SSBP4: variants seen among roughly 807,000 people sequenced by gnomAD.
SSBP4 encodes the protein single stranded DNA binding protein 4, also known as single-stranded DNA-binding protein 4.
In SSBP4, 33 loss-of-function variants were observed where a neutral mutation model predicts 64.6. That is an observed-to-expected ratio of 0.51 (90% CI 0.39 to 0.68). SSBP4 has a LOEUF of 0.68. Among genes scored for constraint, SSBP4 ranks in the 30% least tolerant of loss-of-function variants. SSBP4 has a pLI of 0.00. For missense variants in SSBP4, 583 were observed against 566.8 expected (o/e 1.03, Z -0.29); for synonymous variants, 243 against 224.0 (o/e 1.08, Z -0.76).
upstream of SSBP4, among the ~76,000 whole-genome samples, chr19:18,414,478 G>A (rs962270742): frequency 6.6e-6 from 1 of 152,164 alleles, no homozygotes; most frequent in Non-Finnish European, 1.5e-5. Context: ...GTGACAGAGT[G>A]AGACACCCAT....
chr19:18,433,092 G>T, intron 14 of SSBP4, 43 bp from the exon 15 acceptor site: 1 of 1,613,476 alleles, frequency 6.2e-7, no homozygotes, highest in South Asian at 1.1e-5. Context: ...ACCCCACTTG[G>T]GGAATGGGTG....
chr19:18,431,972 A>G, intron 8 of SSBP4, 28 bp from the exon 9 acceptor site: 1 of 1,551,606 alleles, frequency 6.4e-7, no homozygotes, highest in Non-Finnish European at 8.7e-7. Context: ...GTCCAGGTCC[A>G]AGTCCCCTTC....
chr19:18,431,261 C>A, intron 5 of SSBP4, 92 bp from the exon 6 acceptor site: 1 of 613,556 alleles, frequency 1.6e-6, no homozygotes, highest in Non-Finnish European at 2.9e-6. Flanking sequence ...CACAGGCTGG[C>A]CCACCCCTCT....
At chr19:18,404,986 C>A in the SSBP4 span, among the ~76,000 whole-genome samples, 1 of 108,370 alleles carries the variant, frequency 9.2e-6, no homozygotes, top group Admixed American at 9.0e-5. Flanking sequence ...AGCCCAGAGG[C>A]CCCCCCCCCC....
upstream of SSBP4, chr19:18,419,396 G>C (rs1972262753): frequency 9.7e-7 from 1 of 1,034,022 alleles, no homozygotes; most frequent in Admixed American, 5.6e-5. Context: ...AGGGGAGCGC[G>C]CGTTTCCCGG....
Position 18,426,995 on chromosome 19 carries a change from A to G in SSBP4, c.60-356A>G, listed in dbSNP as rs954905791. Among the ~76,000 whole-genome samples, 1 of 151,852 alleles carries G rather than the reference A, an allele frequency of 6.6e-6. No individual in the cohort carries two copies. The highest frequency in any genetic ancestry group is 6.6e-5 in the Admixed American group (1 of 15,266). On this transcript the variant is annotated intron_variant, in intron 1 of 17. Coordinates refer to ENST00000270061, the MANE Select transcript of SSBP4 (RefSeq NM_032627.5). The surrounding 1 kb of genome is among the most constrained non-coding windows in gnomAD (Gnocchi z 4.5). ...TTTGGAGGTGGGCCCTGAGCACACT[A>G]CATGGCCCAGGGTGCCCAGTGGTCG...
In SSBP4 at chr19:18,423,958, G is replaced by A. The variant is rs1338753160; in HGVS notation, c.60-3393G>A. ...TGAGCTCAGGGCCCCAACCGGTGGC[G>A]CCCCCAGACCTGGCCCCCGGAGCAG... On this transcript the variant is annotated intron_variant, in intron 1 of 17. Transcript: ENST00000270061. This position sits in a 1 kb window ranked among gnomAD's most constrained non-coding sequence, Gnocchi z 4.0. 1.3e-5 allele frequency among the ~76,000 whole-genome samples: 2 copies of A among 152,058 alleles called. No individual in the cohort carries two copies. The highest frequency in any genetic ancestry group is 2.9e-5 in the Non-Finnish European group (2 of 68,008).
the SSBP4 span, among the ~76,000 whole-genome samples, chr19:18,407,225 A>G: frequency 6.6e-6 from 1 of 151,726 alleles, no homozygotes; most frequent in South Asian, 2.1e-4. Flanking sequence ...TTTAGTAGAG[A>G]CGGGGTTTCA....
At chr19:18,433,433 T>C in intron 15 of SSBP4, 152 bp from the exon 16 acceptor site, 1 of 1,382,954 alleles carries the variant, frequency 7.2e-7, no homozygotes, top group African/African-American at 1.4e-5. Context: ...GGCCCAACCC[T>C]CCACCTGGCC....
At chr19:18,413,127 C>T in the SSBP4 span, among the ~76,000 whole-genome samples, 1 of 134,328 alleles carries the variant, frequency 7.4e-6, no homozygotes. Flanking sequence ...GGGCGAGGAG[C>T]GTGGGGTGTT....
the SSBP4 span, among the ~76,000 whole-genome samples, chr19:18,403,464 T>C: frequency 5.3e-5 from 8 of 152,278 alleles, no homozygotes; most frequent in South Asian, 2.1e-4. Context: ...CACCCCTTCA[T>C]GCAGGTCTTA....
intron 4 of SSBP4, among the ~76,000 whole-genome samples, chr19:18,429,052 G>A (rs1356919785): frequency 6.6e-6 from 1 of 152,194 alleles, no homozygotes; most frequent in Non-Finnish European, 1.5e-5. Flanking sequence ...TACCATGGCA[G>A]CGCCGGCGCA....
chr19:18,419,104 T>C (rs1243039579), upstream of SSBP4: 4 of 985,398 alleles, frequency 4.1e-6, no homozygotes, highest in Non-Finnish European at 4.8e-6. Flanking sequence ...GCTGCGAATG[T>C]GTGTGGCTGG....
chr19:18,404,158 C>T, the SSBP4 span, among the ~76,000 whole-genome samples: 1 of 151,922 alleles, frequency 6.6e-6, no homozygotes, highest in Admixed American at 6.6e-5. Context: ...GCCCAGAAAA[C>T]CTCAGAGACC....
chr19:18,420,921 CTT>C (rs893560574), intron 1 of SSBP4, among the ~76,000 whole-genome samples: 10 of 151,826 alleles, frequency 6.6e-5, no homozygotes, highest in African/African-American at 2.4e-4. Context: ...TGATGGGGGA[CTT>C]CCAGGATCCT....
intron 1 of SSBP4, chr19:18,425,804 GCACTC>G (rs1972812600): frequency 6.6e-6 from 1 of 152,330 alleles, no homozygotes; most frequent in African/African-American, 2.4e-5. Flanking sequence ...TGAGCCTGGC[GCACTC>G]CACCCTGGAC....
the SSBP4 span, among the ~76,000 whole-genome samples, chr19:18,409,953 G>A: frequency 2.6e-5 from 4 of 151,568 alleles, no homozygotes; most frequent in South Asian, 2.1e-4. Flanking sequence ...TGCCTCAGCC[G>A]CCTGAGTAGC....
chr19:18,419,609 C>A lies in SSBP4; in HGVS notation c.-40C>A. The A allele has an allele frequency of 1.6e-6, 2 of 1,252,264 alleles. No homozygotes were observed. Among genetic ancestry groups the A allele is most frequent in the South Asian group, 2.2e-5 (1 of 46,468 alleles). 77.6% of individuals were successfully genotyped at this position (1,252,264 alleles called of 1,614,324 possible). ...CGGCAAGCGCGGCCCGCGGCGCCGC[C>A]TGACAGGTGTGGGCCCCGGCGGCGG... On this transcript the variant is annotated 5_prime_UTR_variant, in exon 1 of 18. In the 5' UTR this introduces an upstream ATG that the reference lacks. Transcript: ENST00000270061.
In SSBP4 at chr19:18,430,222, C is replaced by T. The variant is rs952918850; in HGVS notation, c.280-619C>T. Among the ~76,000 whole-genome samples the T allele has an allele frequency of 2.6e-5, 4 of 152,206 alleles. No individual in the cohort carries two copies. In the South Asian group the frequency reaches 6.2e-4, roughly 24 times the overall value. On this transcript the variant is annotated intron_variant, in intron 4 of 17. Coordinates refer to ENST00000270061, the MANE Select transcript of SSBP4 (RefSeq NM_032627.5). ...GGGCCTCCCTTCCCACCTCACATCCCCCTCCCCACCTTCCCCCTGCCAGAC... is the reference window on the plus strand; with the variant it reads ...GGGCCTCCCTTCCCACCTCACATCCTCCTCCCCACCTTCCCCCTGCCAGAC...
Sources: gnomAD v4.1 joint callset for allele counts (sites outside exome capture counted in the v4.1 genomes callset) on GRCh38, gnomAD v4.1.1 for gene constraint, Gnocchi (gnomAD v3.1) non-coding constraint, MANE v1.5 for transcripts, NCBI Gene and HGNC (gene_info 2026-07-23, HGNC 2026-07-21) for gene names.